The following LRP1B variants were observed in gnomAD, a reference collection of about 807,000 sequenced individuals.
The protein encoded by LRP1B is LDL receptor related protein 1B, also known as low-density lipoprotein receptor-related protein 1B.
A neutral mutation model predicts 556.6 loss-of-function variants in LRP1B; 217 were observed. The observed-to-expected ratio is 0.39, with a 90% CI of 0.35 to 0.44. LRP1B has a LOEUF of 0.44. LRP1B is among the 20% of genes least tolerant of loss of function. The pLI, the probability that LRP1B is intolerant of heterozygous loss-of-function variation, is 1.00. For missense variants in LRP1B, 5,053 were observed against 5,620.8 expected, an observed-to-expected ratio of 0.90 and a Z score of 3.23; for synonymous variants, 2,047 against 1,865.8, an observed-to-expected ratio of 1.10 and a Z score of -2.50.
chr2:140,505,076 A>G (rs979095925), intron 53 of LRP1B, among the ~76,000 whole-genome samples: 7 of 152,198 alleles, frequency 4.6e-5, no homozygotes, highest in African/African-American at 1.7e-4. Context: ...TACCTAACAG[A>G]AGACTAATTG....
chr2:140,428,943 A>G (rs1490491153), intron 66 of LRP1B, among the ~76,000 whole-genome samples: 1 of 152,046 alleles, frequency 6.6e-6, no homozygotes, highest in African/African-American at 2.4e-5. Flanking sequence ...GACTATTCCT[A>G]GACTACAGCC....
At chr2:141,006,698 A>G (rs1697586274) in intron 14 of LRP1B, among the ~76,000 whole-genome samples, 2 of 151,988 alleles carry the variant, frequency 1.3e-5, no homozygotes, top group Admixed American at 6.6e-5. Context: ...TTAAGTGACC[A>G]CTTTTCAAAC....
At chr2:140,846,047 T>C (rs1338754132) in intron 29 of LRP1B, among the ~76,000 whole-genome samples, 1 of 151,962 alleles carries the variant, frequency 6.6e-6, no homozygotes, top group Admixed American at 6.6e-5. Context: ...AAAATATAGA[T>C]ATTATAATGA....
At chr2:141,937,282 G>A (rs1394048542) in intron 1 of LRP1B, among the ~76,000 whole-genome samples, 1 of 151,930 alleles carries the variant, frequency 6.6e-6, no homozygotes, top group African/African-American at 2.4e-5. Context: ...AGAGGCTGAG[G>A]CAGGAGAATG....
chr2:141,670,310 G>A (rs763028097), intron 2 of LRP1B, among the ~76,000 whole-genome samples: 2 of 152,006 alleles, frequency 1.3e-5, no homozygotes, highest in African/African-American at 2.4e-5. Flanking sequence ...ATTTGTTATC[G>A]AATCTATCAA....
intron 2 of LRP1B, among the ~76,000 whole-genome samples, chr2:141,776,544 A>G (rs562461027): frequency 6.6e-6 from 1 of 152,328 alleles, no homozygotes; most frequent in East Asian, 1.9e-4. Context: ...ACTGGATTAC[A>G]CAACATGGAA....
At chr2:142,026,708 C>T (rs1037266) in intron 1 of LRP1B, among the ~76,000 whole-genome samples, 58,464 of 151,800 alleles carry the variant, frequency 0.39, 13,488 homozygotes, top group Non-Finnish European at 0.5. Context: ...GGGAACTTCG[C>T]TATCTATGAA....
At chr2:142,123,840 A>G (rs1707545266) in intron 1 of LRP1B, among the ~76,000 whole-genome samples, 1 of 151,930 alleles carries the variant, frequency 6.6e-6, no homozygotes, top group South Asian at 2.1e-4. Context: ...GAGAAAAATA[A>G]GATTAAACAA....
At chr2:140,687,567 T>C (rs760338281) in intron 41 of LRP1B, among the ~76,000 whole-genome samples, 17 of 151,672 alleles carry the variant, frequency 1.1e-4, no homozygotes, top group Non-Finnish European at 2.1e-4. Context: ...GAAACTGATA[T>C]CCACATGATT....
chr2:141,612,681 A>G (rs1688147472), intron 2 of LRP1B, among the ~76,000 whole-genome samples: 1 of 152,198 alleles, frequency 6.6e-6, no homozygotes, highest in African/African-American at 2.4e-5. Context: ...GATTCTTCAC[A>G]TTAATGCCAT....
chr2:140,278,316 T>A (rs1469294411), intron 84 of LRP1B, among the ~76,000 whole-genome samples: 1 of 152,026 alleles, frequency 6.6e-6, no homozygotes, highest in Admixed American at 6.6e-5. Context: ...TAATATTTAA[T>A]TGAACTGTTT....
rs1687812836 is a variant in LRP1B, at chr2:140,472,546, G to T, written c.9625+2592C>A. Among the ~76,000 whole-genome samples the T allele has an allele frequency of 2.0e-5, 3 of 151,906 alleles. 1 individual carries two copies. In the South Asian group the frequency reaches 6.2e-4, roughly 32 times the overall value. ...ATGTGGTGTGTGGATTTGATAGGAG[G>T]GTGAATTAGGGTAGATCGGGGAGCA... On this transcript the variant is annotated intron_variant, in intron 60 of 90. Transcript: ENST00000389484.
At position 141,263,132 on chromosome 2, in the gene LRP1B, A is replaced by T. The variant is rs2105354711; in HGVS notation, c.344-8491T>A. 2.0e-5 allele frequency among the ~76,000 whole-genome samples: 3 copies of T among 152,046 alleles called. No homozygotes were observed. The South Asian group carries it at 6.2e-4, about 32-fold the overall frequency. ...AATTTATATCTGTCTCATAGTTTTG[A>T]TTCTATTTTACATGGTATTATTCAC... On this transcript the variant is annotated intron_variant, in intron 3 of 90. Coordinates refer to ENST00000389484, the MANE Select transcript of LRP1B (RefSeq NM_018557.3).
chr2:141,055,144 G>C lies in LRP1B; in HGVS notation c.1524C>G (p.Asn508Lys), dbSNP rs1699144051. Reference sequence around the variant, plus strand: ...TGCATGACCTGCCATCACTTCCCAAGTTGAAGCCAGTCCTGCAGCGACAAG... The same window carrying C: ...TGCATGACCTGCCATCACTTCCCAACTTGAAGCCAGTCCTGCAGCGACAAG... The part of the protein sequence containing the change: ...TRTCRCRTGF[N>K]LGSDGRSCKR... Residue 508 changes from asparagine to lysine, a missense_variant, in exon 10 of 91, where the codon AAC (asparagine) becomes AAG (lysine). Asn to Lys is a moderately conservative substitution (Grantham distance 94). This residue lies in a region of LRP1B where 3,619 missense variants were observed against 3,931.9 expected (regional missense o/e 0.92). Coordinates refer to ENST00000389484, the MANE Select transcript of LRP1B (RefSeq NM_018557.3). The C allele has an allele frequency of 6.2e-7, 1 of 1,612,164 alleles. No homozygotes were observed. Among genetic ancestry groups the C allele is most frequent in the Non-Finnish European group, 8.5e-7 (1 of 1,178,928 alleles).
intron 2 of LRP1B, among the ~76,000 whole-genome samples, chr2:141,610,105 T>G (rs780834770): frequency 1.3e-5 from 2 of 152,122 alleles, no homozygotes; most frequent in Non-Finnish European, 2.9e-5. Flanking sequence ...AGCTCTCTCT[T>G]AACTTTGAAA....
chr2:141,309,921 C>G lies in LRP1B; in HGVS notation c.344-55280G>C, dbSNP rs1250739539. Reference sequence around the variant, plus strand: ...AGAAAGATAAGTGTTCCTTAAATGTCAAATCTGCTGTCACTTGAATCTGAG... The same window carrying G: ...AGAAAGATAAGTGTTCCTTAAATGTGAAATCTGCTGTCACTTGAATCTGAG... On this transcript the variant is annotated intron_variant, in intron 3 of 90. Coordinates refer to ENST00000389484, the MANE Select transcript of LRP1B (RefSeq NM_018557.3). Among the ~76,000 whole-genome samples, 3 of 152,072 alleles carry G rather than the reference C, an allele frequency of 2.0e-5. No homozygotes were observed. In the South Asian group the frequency reaches 6.2e-4, roughly 32 times the overall value.
intron 63 of LRP1B, among the ~76,000 whole-genome samples, chr2:140,447,348 TC>T (rs1686705045): frequency 1.3e-5 from 2 of 151,512 alleles, no homozygotes; most frequent in Non-Finnish European, 1.5e-5. Context: ...GAGGTTCAGT[TC>T]CAGACCACCA....
At chr2:141,576,011 C>T (rs186449484) in intron 2 of LRP1B, among the ~76,000 whole-genome samples, 289 of 152,222 alleles carry the variant, frequency 1.9e-3, no homozygotes, top group African/African-American at 6.6e-3. Flanking sequence ...TTCGTTCAAC[C>T]ATTGTGGAAG....
intron 32 of LRP1B, among the ~76,000 whole-genome samples, chr2:140,800,040 C>T (rs1372099718): frequency 6.6e-6 from 1 of 152,134 alleles, no homozygotes; most frequent in African/African-American, 2.4e-5. Context: ...AAATGTGGCA[C>T]ATATACACCA....
Sources: allele counts gnomAD v4.1 joint callset (sites outside exome capture counted in the v4.1 genomes callset), GRCh38; gene constraint gnomAD v4.1.1; regional missense constraint gnomAD v4.1.1; transcripts MANE v1.5; gene names NCBI Gene and HGNC (gene_info 2026-07-23, HGNC 2026-07-21).